The following SLC25A21 variants were observed in gnomAD, a reference collection of about 807,000 sequenced individuals.
SLC25A21 encodes mitochondrial 2-oxodicarboxylate carrier.
A neutral mutation model predicts 43.8 loss-of-function variants in SLC25A21; 47 were observed. The ratio of observed to expected loss-of-function variants is 1.07; its 90% CI spans 0.85 to 1.37. The LOEUF is 1.37. Ranked by LOEUF, SLC25A21 falls within the 40% of genes most tolerant of loss-of-function variation. The pLI is 0.00. For synonymous variants in SLC25A21, 131 were observed against 121.3 expected (o/e 1.08, Z -0.52); for missense variants, 352 against 350.2 (o/e 1.00, Z -0.04).
At chr14:36,982,495 A>G (rs942282169) in intron 1 of SLC25A21, among the ~76,000 whole-genome samples, 1 of 152,182 alleles carries the variant, frequency 6.6e-6, no homozygotes, top group African/African-American at 2.4e-5. Context: ...ATTTTTAACC[A>G]TGAAAGGTTT....
chr14:36,726,555 C>T (rs1884609253), intron 5 of SLC25A21, among the ~76,000 whole-genome samples: 1 of 152,194 alleles, frequency 6.6e-6, no homozygotes, highest in Non-Finnish European at 1.5e-5. Context: ...CAAAAGGTGA[C>T]TGTATGTCAA....
intron 1 of SLC25A21, among the ~76,000 whole-genome samples, chr14:37,005,118 TACCTTCCAA>T (rs1274363382): frequency 6.6e-6 from 1 of 151,938 alleles, no homozygotes; most frequent in Non-Finnish European, 1.5e-5. Context: ...TCCAGAAAGT[TACCTTCCAA>T]ATTATTCCAG....
chr14:36,749,365 T>C (rs578251860), intron 3 of SLC25A21, among the ~76,000 whole-genome samples: 133 of 152,316 alleles, frequency 8.7e-4, no homozygotes, highest in African/African-American at 2.8e-3. Flanking sequence ...GCTTGAGTTC[T>C]TTCTCTACTT....
At chr14:36,991,650 T>G (rs923188474) in intron 1 of SLC25A21, among the ~76,000 whole-genome samples, 3 of 152,214 alleles carry the variant, frequency 2.0e-5, no homozygotes, top group Admixed American at 6.5e-5. Context: ...AAATAACTTG[T>G]CCAAGACCAC....
chr14:36,831,777 ACC>A, intron 2 of SLC25A21, among the ~76,000 whole-genome samples: 1 of 152,292 alleles, frequency 6.6e-6, no homozygotes, highest in East Asian at 1.9e-4. Context: ...GATGCATCGA[ACC>A]TCAGAATGAA....
intron 1 of SLC25A21, among the ~76,000 whole-genome samples, chr14:36,959,544 A>G (rs1053130787): frequency 5.3e-5 from 8 of 152,120 alleles, no homozygotes; most frequent in Non-Finnish European, 4.4e-5. Context: ...TAGGCTCTTC[A>G]CAAAGCCAAA....
Position 36,816,496 on chromosome 14 carries a change from TC to T in SLC25A21, c.120-2496del, listed in dbSNP as rs1888460187. Among the ~76,000 whole-genome samples, 7 of 139,940 alleles carry T rather than the reference TC, an allele frequency of 5.0e-5. No homozygotes were observed. In the South Asian group the frequency reaches 8.7e-4, roughly 17 times the overall value. 91.8% of individuals were successfully genotyped at this position (139,940 alleles called of 152,430 possible). On this transcript the variant is annotated intron_variant, in intron 2 of 9. Transcript: ENST00000331299. Reference sequence around the variant, plus strand: ...AAATGACACATTTAACATATTCTCCTCTTTTTTTTTTTTTTTTTTGAGACAG... The same window carrying T: ...AAATGACACATTTAACATATTCTCCTTTTTTTTTTTTTTTTTTTGAGACAG...
chr14:36,762,506 G>A (rs1234562028), intron 3 of SLC25A21, among the ~76,000 whole-genome samples: 1 of 152,184 alleles, frequency 6.6e-6, no homozygotes, highest in African/African-American at 2.4e-5. Flanking sequence ...GAAACTAAGT[G>A]TGTGACAGCA....
At chr14:36,749,641 G>A (rs115843185) in intron 3 of SLC25A21, among the ~76,000 whole-genome samples, 1,749 of 152,154 alleles carry the variant, frequency 0.011, 34 homozygotes, top group African/African-American at 0.039. Context: ...TCGTGCTCTG[G>A]TCTGGGATCC....
chr14:36,816,073 C>T (rs142662820), intron 2 of SLC25A21, among the ~76,000 whole-genome samples: 3 of 152,258 alleles, frequency 2.0e-5, no homozygotes, highest in African/African-American at 7.2e-5. Context: ...GAGTGTACTG[C>T]TTTGACTGAA....
chr14:37,135,238 T>C (rs2138911731), intron 1 of SLC25A21, among the ~76,000 whole-genome samples: 1 of 149,248 alleles, frequency 6.7e-6, no homozygotes, highest in Admixed American at 6.7e-5. Flanking sequence ...CTCTACAAAA[T>C]ATCTTTTAAA....
intron 2 of SLC25A21, among the ~76,000 whole-genome samples, chr14:36,867,596 G>A (rs994761495): frequency 2.0e-5 from 3 of 152,078 alleles, no homozygotes; most frequent in Non-Finnish European, 4.4e-5. Flanking sequence ...ACCTTGCTGA[G>A]GAAGGATTTG....
At chr14:36,839,635 T>C (rs4539512) in intron 2 of SLC25A21, among the ~76,000 whole-genome samples, 102,532 of 152,082 alleles carry the variant, frequency 0.67, 35,041 homozygotes, top group South Asian at 0.81. Flanking sequence ...GATGTGTATC[T>C]TGGAGATCAA....
intron 1 of SLC25A21, among the ~76,000 whole-genome samples, chr14:37,102,182 T>C (rs751347874): frequency 3.4e-4 from 52 of 152,320 alleles, no homozygotes; most frequent in Non-Finnish European, 6.3e-4. Flanking sequence ...GGTTCACGCC[T>C]GTAATCCCAA....
intron 1 of SLC25A21, among the ~76,000 whole-genome samples, chr14:37,138,275 T>A (rs1963516470): frequency 6.6e-6 from 1 of 152,154 alleles, no homozygotes; most frequent in Admixed American, 6.5e-5. Context: ...CAACAAACAC[T>A]AGTTCTAGAA....
intron 6 of SLC25A21, among the ~76,000 whole-genome samples, chr14:36,721,971 C>G (rs959754461): frequency 6.6e-6 from 1 of 152,174 alleles, no homozygotes; most frequent in African/African-American, 2.4e-5. Context: ...CTCTTAAACT[C>G]TCACCTTCTC....
intron 1 of SLC25A21, among the ~76,000 whole-genome samples, chr14:37,114,533 G>A (rs1963072729): frequency 6.6e-6 from 1 of 152,174 alleles, no homozygotes; most frequent in Non-Finnish European, 1.5e-5. Flanking sequence ...GTAGTCCTCT[G>A]AGGTTGTTCT....
chr14:36,731,576 ATG>A (rs1444342769), intron 4 of SLC25A21, among the ~76,000 whole-genome samples: 1 of 152,198 alleles, frequency 6.6e-6, no homozygotes, highest in Non-Finnish European at 1.5e-5. Context: ...CCTTAAGTAT[ATG>A]AGCACTCCTC....
At chr14:36,702,749 A>G (rs1273147042) in intron 7 of SLC25A21, among the ~76,000 whole-genome samples, 1 of 152,166 alleles carries the variant, frequency 6.6e-6, no homozygotes, top group Non-Finnish European at 1.5e-5. Context: ...CCCAACATAC[A>G]GTAGATGCAC....
Sources: gnomAD v4.1 joint callset for allele counts (sites outside exome capture counted in the v4.1 genomes callset) on GRCh38, gnomAD v4.1.1 for gene constraint, MANE v1.5 for transcripts, NCBI Gene and HGNC (gene_info 2026-07-23, HGNC 2026-07-21) for gene names.